The following RNF17 variants were observed in gnomAD, a reference collection of about 807,000 sequenced individuals.
RNF17 encodes the protein spermatogenesis associated 23.
Under a neutral mutation model 200.5 loss-of-function variants are expected in RNF17, and 31 were observed. That is an observed-to-expected ratio of 0.15 (90% confidence interval 0.12 to 0.21). RNF17 has a LOEUF of 0.21. Ranked by LOEUF, RNF17 falls within the 10% of genes least tolerant of loss-of-function variation. RNF17 has a pLI of 1.00. For missense variants in RNF17, 1,628 were observed against 1,905.1 expected, an observed-to-expected ratio of 0.85 and a Z score of 2.71; for synonymous variants, 606 against 637.8, an observed-to-expected ratio of 0.95 and a Z score of 0.75.
At chr13:24,823,868 C>T (rs549430729) in intron 15 of RNF17, among the ~76,000 whole-genome samples, 27 of 152,338 alleles carry the variant, frequency 1.8e-4, no homozygotes, top group African/African-American at 5.5e-4. Context: ...CCCTTTGCCA[C>T]GTTTACAAGT....
At chr13:24,752,560 A>G in the RNF17 span, among the ~76,000 whole-genome samples, 6 of 152,250 alleles carry the variant, frequency 3.9e-5, no homozygotes, top group African/African-American at 1.4e-4. Context: ...TGAAGGGATC[A>G]AGAAACTCTG....
intron 18 of RNF17, among the ~76,000 whole-genome samples, chr13:24,835,020 G>A (rs1347958093): frequency 1.3e-5 from 2 of 152,128 alleles, no homozygotes; most frequent in African/African-American, 4.8e-5. Flanking sequence ...TTTGGTTTGC[G>A]TGGGCGCTGG....
intron 2 of RNF17, among the ~76,000 whole-genome samples, chr13:24,771,860 C>G (rs1461909365): frequency 6.6e-6 from 1 of 151,882 alleles, no homozygotes; most frequent in African/African-American, 2.4e-5. Flanking sequence ...CCAAATTAGC[C>G]AGGCATGGTG....
chr13:24,882,388 C>T (rs1953887529), downstream of RNF17: 1 of 151,814 alleles, frequency 6.6e-6, no homozygotes, highest in Non-Finnish European at 1.5e-5. Flanking sequence ...CTATCTAGAC[C>T]AATCTGTAAT....
At chr13:24,847,346 TTTA>T (rs777460343) in intron 22 of RNF17, among the ~76,000 whole-genome samples, 3 of 90,434 alleles carry the variant, frequency 3.3e-5, no homozygotes, top group Non-Finnish European at 6.5e-5. Context: ...TATTTATTTA[TTTA>T]TTTTTTTTTT....
intron 16 of RNF17, among the ~76,000 whole-genome samples, chr13:24,827,000 C>T (rs914001239): frequency 1.3e-4 from 20 of 151,952 alleles, no homozygotes; most frequent in Non-Finnish European, 2.5e-4. Context: ...GCGGAGGTTG[C>T]GGTGAGCTGA....
chr13:24,825,988 T>A (rs1888580868), intron 16 of RNF17: 3 of 985,236 alleles, frequency 3.0e-6, no homozygotes, highest in Non-Finnish European at 3.6e-6. Context: ...GGAATCTTGC[T>A]GGAAAAGTTG....
chr13:24,793,132 G>C lies in RNF17; in HGVS notation c.1026G>C (p.Pro342=), dbSNP rs771751414. ...TTTCTTGTTACGATACATACCCACC[G>C]CTAGAAAAGAAAAAGGTTGACATGT... ...KELSCYDTYP[P]LEKKKVDMSV... Residue 342 remains proline (P), a synonymous_variant, in exon 10 of 36, where the codon CCG becomes CCC. Coordinates refer to ENST00000255324, the MANE Select transcript of RNF17 (RefSeq NM_031277.3). The C allele has an allele frequency of 6.2e-7, 1 of 1,613,622 alleles. No homozygotes were observed. Among genetic ancestry groups the C allele is most frequent in the Non-Finnish European group, 8.5e-7 (1 of 1,179,678 alleles).
intron 16 of RNF17, among the ~76,000 whole-genome samples, chr13:24,828,843 G>A (rs974402302): frequency 6.7e-6 from 1 of 149,126 alleles, no homozygotes. Flanking sequence ...GTCTTACTCT[G>A]TTATCCAGGC....
chr13:24,860,481 G>A (rs1892979817), intron 26 of RNF17, among the ~76,000 whole-genome samples: 1 of 152,006 alleles, frequency 6.6e-6, no homozygotes, highest in African/African-American at 2.4e-5. Context: ...AGAAATAAAT[G>A]TCTCGTGAAA....
At chr13:24,855,628 T>C (rs1009518107) in intron 25 of RNF17, among the ~76,000 whole-genome samples, 4 of 149,704 alleles carry the variant, frequency 2.7e-5, no homozygotes, top group African/African-American at 9.9e-5. Flanking sequence ...TGAGACTCCA[T>C]TAAAAAAAAA....
the RNF17 span, among the ~76,000 whole-genome samples, chr13:24,750,382 T>A: frequency 2.6e-5 from 4 of 152,336 alleles, no homozygotes; most frequent in Non-Finnish European, 5.9e-5. Flanking sequence ...GTAAATTTAC[T>A]GAGTCATGCA....
At position 24,865,072 on chromosome 13, in the gene RNF17, CTG is replaced by C. The variant is rs1465289592; in HGVS notation, c.4101+78_4101+79del. ...TTAAAATGTCACATTTTGTCTTACACTGTGTCTTAAATATGATTCTACATATC... is the reference window on the plus strand; with the variant it reads ...TTAAAATGTCACATTTTGTCTTACACTGTCTTAAATATGATTCTACATATC... On this transcript the variant is annotated intron_variant, in intron 29 of 35. Transcript: ENST00000255324. 9.0e-6 allele frequency: 10 copies of C among 1,114,552 alleles called. No homozygotes were observed. In the East Asian group the frequency reaches 1.0e-4, roughly 11 times the overall value. 69.0% of individuals were successfully genotyped at this position (1,114,552 alleles called of 1,614,324 possible).
chr13:24,843,720 T>C (rs757298492), intron 19 of RNF17, 24 bp from the exon 20 acceptor site: 1 of 1,390,864 alleles, frequency 7.2e-7, no homozygotes, highest in East Asian at 2.3e-5. Context: ...ACAGTTCTTT[T>C]CATTAACTTT....
At chr13:24,844,928 TTGTC>T (rs1209143883) in intron 21 of RNF17, 29 bp from the exon 22 acceptor site, 16 of 1,557,134 alleles carry the variant, frequency 1.0e-5, no homozygotes, top group African/African-American at 1.4e-5. Flanking sequence ...GAAATGTTGT[TTGTC>T]TGTAGACTTA....
intron 8 of RNF17, 30 bp downstream of exon 8, chr13:24,789,454 A>G (rs1593255407): frequency 7.0e-7 from 1 of 1,427,396 alleles, no homozygotes; most frequent in Non-Finnish European, 9.8e-7. Flanking sequence ...GGAGACCATA[A>G]CAAGTATAAA....
downstream of RNF17, chr13:24,884,099 T>C: frequency 6.4e-7 from 1 of 1,567,466 alleles, no homozygotes; most frequent in Non-Finnish European, 8.7e-7. Flanking sequence ...TAAAAAGTTG[T>C]TACAGTAAAT....
downstream of RNF17, chr13:24,884,204 G>A (rs1192007443): frequency 1.2e-6 from 2 of 1,614,144 alleles, no homozygotes; most frequent in South Asian, 1.1e-5. Context: ...GTCCCTCCGG[G>A]TATGTCGTGT....
chr13:24,775,040 T>C, intron 3 of RNF17, 136 bp downstream of exon 3: 1 of 576,950 alleles, frequency 1.7e-6, no homozygotes, highest in Non-Finnish European at 3.0e-6. Context: ...AAGTTCATAC[T>C]TCATCTTAGC....
Sources: allele counts gnomAD v4.1 joint callset (sites outside exome capture counted in the v4.1 genomes callset), GRCh38; gene constraint gnomAD v4.1.1; transcripts MANE v1.5; gene names NCBI Gene and HGNC (gene_info 2026-07-23, HGNC 2026-07-21).